ACER1: variants seen among roughly 807,000 people sequenced by gnomAD.
The protein encoded by ACER1 is CTB-180A7.3.
ACER1 carries 28 observed loss-of-function variants against 24.9 expected under a neutral mutation model. That is an observed-to-expected ratio of 1.13 (90% CI 0.83 to 1.54). ACER1 has a LOEUF of 1.54. Among genes scored for constraint, ACER1 ranks in the 40% most tolerant of loss-of-function variants. The probability of loss-of-function intolerance (pLI) is 0.00; values close to 1 mark genes in which losing one functional copy is unlikely to be tolerated. For synonymous variants in ACER1, 132 were observed against 131.4 expected, an observed-to-expected ratio of 1.00 and a Z score of -0.03; for missense variants, 352 against 349.3, an observed-to-expected ratio of 1.01 and a Z score of -0.06.
the ACER1 span, among the ~76,000 whole-genome samples, chr19:6,353,630 A>G: frequency 2.0e-5 from 3 of 151,858 alleles, no homozygotes; most frequent in Non-Finnish European, 4.4e-5. Flanking sequence ...GTTCAAGACC[A>G]GCTTGACCAA....
intron 3 of ACER1, 135 bp from the exon 4 acceptor site, chr19:6,309,969 G>T (rs1283149885): frequency 8.6e-7 from 1 of 1,160,376 alleles, no homozygotes; most frequent in Admixed American, 2.4e-5. Flanking sequence ...CTCAGAAAAG[G>T]GTCCTAGCCA....
rs769921672 is a variant in ACER1, at chr19:6,309,805, G to A, written c.380C>T (p.Thr127Ile). 7.4e-6 allele frequency: 12 copies of A among 1,614,000 alleles called. No homozygotes were observed. Among genetic ancestry groups the A allele is most frequent in the Non-Finnish European group, 7.6e-6 (9 of 1,179,994 alleles). Residue 127 changes from threonine to isoleucine, a missense_variant, in exon 4 of 6, where the codon ACC becomes ATC. Physicochemically the swap from Thr to Ile is moderately conservative, Grantham distance 89. Coordinates refer to ENST00000301452, the MANE Select transcript of ACER1 (RefSeq NM_133492.3). ...RSQFIRLVFI[T>I]TVVSTLLSFL... is the part of the protein sequence containing the mutation. ...GGACAGAAGGGTGCTGACCACAGTG[G>A]TGATGAAGACCAGGCGGATGAACTG...
chr19:6,355,674 G>T, the ACER1 span, among the ~76,000 whole-genome samples: 5 of 141,270 alleles, frequency 3.5e-5, no homozygotes, highest in African/African-American at 1.1e-4. Context: ...GGTGAGGGGC[G>T]CCTCTGCCCG....
chr19:6,340,013 C>T, the ACER1 span, among the ~76,000 whole-genome samples: 6 of 151,408 alleles, frequency 4.0e-5, no homozygotes, highest in African/African-American at 1.5e-4. Context: ...TGGTGGCTCA[C>T]ACATGTAATC....
chr19:6,322,497 A>AAAC (rs2091635850), intron 1 of ACER1, among the ~76,000 whole-genome samples: 3 of 152,018 alleles, frequency 2.0e-5, no homozygotes, highest in Non-Finnish European at 4.4e-5. Context: ...TCATCTTTCA[A>AAAC]AACCCAACCC....
the ACER1 span, among the ~76,000 whole-genome samples, chr19:6,352,717 GA>G: frequency 1.3e-5 from 2 of 152,222 alleles, no homozygotes; most frequent in Non-Finnish European, 2.9e-5. Context: ...CTGTGAATTT[GA>G]AATTTGGTGT....
intron 1 of ACER1, among the ~76,000 whole-genome samples, chr19:6,314,590 C>T (rs1034152556): frequency 2.0e-5 from 3 of 152,024 alleles, no homozygotes; most frequent in East Asian, 1.9e-4. Flanking sequence ...GTCTGAGCCG[C>T]GACAAGTCTC....
intron 1 of ACER1, among the ~76,000 whole-genome samples, chr19:6,327,565 AAAAT>A (rs973895984): frequency 6.6e-6 from 1 of 151,356 alleles, no homozygotes; most frequent in Non-Finnish European, 1.5e-5. Flanking sequence ...ACTCCGTCTC[AAAAT>A]AAATAAATAA....
chr19:6,307,595 G>A (rs1221225691), intron 4 of ACER1, among the ~76,000 whole-genome samples: 3 of 149,874 alleles, frequency 2.0e-5, no homozygotes, highest in Non-Finnish European at 4.4e-5. Context: ...ACCAGCCTGG[G>A]CAAAATAGCA....
the ACER1 span, among the ~76,000 whole-genome samples, chr19:6,339,815 A>G: frequency 2.6e-5 from 4 of 151,786 alleles, no homozygotes; most frequent in South Asian, 8.3e-4. Context: ...GGCGCCCGCC[A>G]CCACACCCGG....
intron 1 of ACER1, among the ~76,000 whole-genome samples, chr19:6,313,488 T>A (rs548033475): frequency 6.6e-6 from 1 of 152,326 alleles, no homozygotes; most frequent in Non-Finnish European, 1.5e-5. Context: ...AAGACTACAT[T>A]TCCCAGCCTT....
chr19:6,351,681 T>TCTTTGAGCAGTGAGCA, the ACER1 span, among the ~76,000 whole-genome samples: 1 of 151,018 alleles, frequency 6.6e-6, no homozygotes. Flanking sequence ...TGCAGTGAGC[T>TCTTTGAGCAGTGAGCA]GTGATTGCGC....
At chr19:6,320,493 A>G (rs2091624692) in intron 1 of ACER1, among the ~76,000 whole-genome samples, 1 of 151,970 alleles carries the variant, frequency 6.6e-6, no homozygotes, top group Admixed American at 6.6e-5. Context: ...TTGTATTTTT[A>G]GTAGAGACGG....
chr19:6,307,325 G>A (rs759800494), intron 4 of ACER1, 35 bp from the exon 5 acceptor site: 29 of 1,610,882 alleles, frequency 1.8e-5, no homozygotes, highest in Admixed American at 1.3e-4. Context: ...GGGCTGGCTC[G>A]GAGAGCAGCA....
the ACER1 span, chr19:6,344,004 G>T: frequency 6.6e-6 from 1 of 152,152 alleles, no homozygotes; most frequent in Non-Finnish European, 1.5e-5. Flanking sequence ...ACATCCCTGA[G>T]TTAAAGACTT....
chr19:6,306,732 AC>A lies in ACER1; in HGVS notation c.776del (p.Gly259ValfsTer27). 6.2e-7 allele frequency: 1 copy of A among 1,610,864 alleles called. No homozygotes were observed. Among genetic ancestry groups the A allele is most frequent in the Non-Finnish European group, 8.5e-7 (1 of 1,178,086 alleles). Reference sequence around the variant, plus strand: ...GCAGGTCTCAGCAGTCCTTGTCATCACCCCGGATTTCCACGTAGGGCAGCCC... The same window carrying A: ...GCAGGTCTCAGCAGTCCTTGTCATCACCCGGATTTCCACGTAGGGCAGCCC... ...PVGLPYVEIR[G>X]DDKDC is the part of the protein sequence containing the mutation. On this transcript the variant is annotated frameshift_variant, in exon 6 of 6. Coordinates refer to ENST00000301452, the MANE Select transcript of ACER1 (RefSeq NM_133492.3). LOFTEE classifies it high-confidence loss of function.
the ACER1 span, among the ~76,000 whole-genome samples, chr19:6,351,478 C>T: frequency 6.6e-6 from 1 of 151,944 alleles, no homozygotes; most frequent in Admixed American, 6.6e-5. Context: ...TGCCTGTAAT[C>T]CCAGCACTTT....
At chr19:6,343,537 C>G in the ACER1 span, among the ~76,000 whole-genome samples, 1 of 152,090 alleles carries the variant, frequency 6.6e-6, no homozygotes, top group Non-Finnish European at 1.5e-5. Context: ...CAACTTGTGG[C>G]TCTAAATCCC....
chr19:6,312,185 G>T lies in ACER1; in HGVS notation c.314C>A (p.Pro105His). ...AAGGAAGGAGGGGAAATAGCAGCGGGGCATCCATATGCTATAGCCACTGCC... is the reference window on the plus strand; with the variant it reads ...AAGGAAGGAGGGGAAATAGCAGCGGTGCATCCATATGCTATAGCCACTGCC... The part of the protein sequence containing the change: ...LLGSGYSIWM[P>H]RCYFPSFLGG... Residue 105 changes from proline (P) to histidine (H), a missense_variant, in exon 3 of 6, where the codon CCC becomes CAC. Transcript: ENST00000301452. 1 of 1,613,876 alleles carries T rather than the reference G, an allele frequency of 6.2e-7. No individual in the cohort carries two copies. The highest frequency in any genetic ancestry group is 8.5e-7 in the Non-Finnish European group (1 of 1,179,830).
Sources: allele counts gnomAD v4.1 joint callset (sites outside exome capture counted in the v4.1 genomes callset), GRCh38; gene constraint gnomAD v4.1.1; transcripts MANE v1.5; gene names NCBI Gene and HGNC (gene_info 2026-07-23, HGNC 2026-07-21).